SEMA5B: variants seen among roughly 807,000 people sequenced by gnomAD.
SEMA5B encodes semaphorin-5B.
A neutral mutation model predicts 135.0 loss-of-function variants in SEMA5B; 66 were observed. The observed-to-expected ratio is 0.49, with a 90% confidence interval of 0.40 to 0.60. The LOEUF (loss-of-function observed/expected upper bound fraction) is 0.60, where lower values mean the gene tolerates loss of function less well. Ranked by LOEUF, SEMA5B falls within the 20% of genes least tolerant of loss-of-function variation. SEMA5B has a pLI of 0.00. For missense variants in SEMA5B, 1,501 were observed against 1,566.3 expected (o/e 0.96, Z 0.70); for synonymous variants, 690 against 639.5 (o/e 1.08, Z -1.19).
chr3:122,939,871 A>G (rs1939476040), intron 4 of SEMA5B, among the ~76,000 whole-genome samples: 1 of 152,186 alleles, frequency 6.6e-6, no homozygotes, highest in African/African-American at 2.4e-5. Flanking sequence ...GCACTCTTAC[A>G]GAGATGCAGA....
chr3:122,918,908 A>AAGT (rs2107628264), intron 12 of SEMA5B, among the ~76,000 whole-genome samples: 1 of 152,248 alleles, frequency 6.6e-6, no homozygotes, highest in African/African-American at 2.4e-5. Context: ...AAGAGACTTA[A>AAGT]AGTGTGTCTC....
intron 1 of SEMA5B, among the ~76,000 whole-genome samples, chr3:123,017,764 C>T (rs924997091): frequency 6.6e-6 from 1 of 152,020 alleles, no homozygotes; most frequent in Non-Finnish European, 1.5e-5. Context: ...AAAAATTAGC[C>T]AGATGCAGTG....
chr3:122,953,636 A>G (rs1940155061), intron 2 of SEMA5B, among the ~76,000 whole-genome samples: 1 of 152,230 alleles, frequency 6.6e-6, no homozygotes, highest in African/African-American at 2.4e-5. Flanking sequence ...CCTTCGCTCC[A>G]GGTGAGGCAA....
At chr3:122,988,621 C>T (rs1941771584) in intron 1 of SEMA5B, among the ~76,000 whole-genome samples, 1 of 152,232 alleles carries the variant, frequency 6.6e-6, no homozygotes, top group African/African-American at 2.4e-5. Flanking sequence ...GATTAACAAG[C>T]CTCTCTAGGA....
At chr3:122,964,585 G>C (rs1435507443) in intron 1 of SEMA5B, among the ~76,000 whole-genome samples, 1 of 152,152 alleles carries the variant, frequency 6.6e-6, no homozygotes, top group African/African-American at 2.4e-5. Flanking sequence ...TCTGGGCTTT[G>C]GTCTCTCTCT....
At chr3:122,953,920 G>A (rs1940167568) in intron 2 of SEMA5B, among the ~76,000 whole-genome samples, 1 of 152,208 alleles carries the variant, frequency 6.6e-6, no homozygotes, top group Non-Finnish European at 1.5e-5. Context: ...CTTATACCAG[G>A]ATGGTCATGT....
At chr3:122,997,518 T>TCGCCCCC (rs764169923) in intron 1 of SEMA5B, among the ~76,000 whole-genome samples, 1 of 142,782 alleles carries the variant, frequency 7.0e-6, no homozygotes, top group Non-Finnish European at 1.5e-5. Context: ...CCCAGGCCTC[T>TCGCCCCC]CCCCCCCCCG....
At chr3:122,941,942 G>A (rs1391902520) in intron 4 of SEMA5B, among the ~76,000 whole-genome samples, 1 of 152,112 alleles carries the variant, frequency 6.6e-6, no homozygotes, top group Admixed American at 6.6e-5. Context: ...TCTCTTTGCT[G>A]GGAAAATAAA....
intron 1 of SEMA5B, among the ~76,000 whole-genome samples, chr3:122,981,224 A>G (rs774729284): frequency 9.2e-5 from 14 of 152,244 alleles, no homozygotes; most frequent in Non-Finnish European, 1.6e-4. Context: ...CATTCTGTGC[A>G]TAACATAAGA....
chr3:122,948,062 T>C (rs935710537), intron 3 of SEMA5B, among the ~76,000 whole-genome samples: 3 of 152,178 alleles, frequency 2.0e-5, no homozygotes, highest in Admixed American at 6.5e-5. Flanking sequence ...GAAGGAGTTA[T>C]GAGTCACCAG....
rs750232395 is a variant in SEMA5B, at chr3:122,961,238, G to C, written c.26C>G (p.Pro9Arg). The change falls in exon 2 of 23, where the codon CCT (proline) becomes CGT (arginine). Residue 9 changes from proline (P) to arginine (R), a missense_variant. Pro to Arg is a moderately radical substitution (Grantham distance 103). Coordinates refer to ENST00000357599, the MANE Select transcript of SEMA5B (RefSeq NM_001031702.4). Reference sequence around the variant, plus strand: ...CCCAGGGACGAGGTGGTGGGCAACAGGAGACGGACTGAAGCCACAGGGCAT... The same window carrying C: ...CCCAGGGACGAGGTGGTGGGCAACACGAGACGGACTGAAGCCACAGGGCAT... Reference protein sequence around the residue: MPCGFSPSPVAHHLVPGPP... With the variant: MPCGFSPSRVAHHLVPGPP... The C allele has an allele frequency of 1.2e-6, 2 of 1,614,120 alleles. No individual in the cohort carries two copies. Among genetic ancestry groups the C allele is most frequent in the East Asian group, 4.5e-5 (2 of 44,880 alleles).
intron 1 of SEMA5B, among the ~76,000 whole-genome samples, chr3:122,981,872 G>A (rs537427736): frequency 8.5e-5 from 13 of 152,194 alleles, no homozygotes; most frequent in African/African-American, 3.1e-4. Context: ...GGTGTGACAC[G>A]GATGGATGGA....
At chr3:122,972,729 G>T (rs1045265171) in intron 1 of SEMA5B, among the ~76,000 whole-genome samples, 6 of 152,174 alleles carry the variant, frequency 3.9e-5, no homozygotes, top group African/African-American at 1.4e-4. Context: ...TCCCCTTCAT[G>T]TGGATGGGTC....
At chr3:123,009,368 C>G (rs1942385489) in intron 1 of SEMA5B, among the ~76,000 whole-genome samples, 1 of 152,102 alleles carries the variant, frequency 6.6e-6, no homozygotes, top group Non-Finnish European at 1.5e-5. Flanking sequence ...TTTTAATTAT[C>G]TAAGCTTCTT....
chr3:122,936,879 A>C (rs547142876), intron 5 of SEMA5B, among the ~76,000 whole-genome samples: 2 of 152,118 alleles, frequency 1.3e-5, no homozygotes, highest in Non-Finnish European at 2.9e-5. Flanking sequence ...TGGGCATTCG[A>C]TTTTCTTTAA....
chr3:122,935,653 G>A (rs1939227897), intron 5 of SEMA5B, among the ~76,000 whole-genome samples: 1 of 132,596 alleles, frequency 7.5e-6, no homozygotes, highest in Admixed American at 7.5e-5. Flanking sequence ...AAGCCGACCT[G>A]CTCTATCCAC....
At position 122,915,804 on chromosome 3, in the gene SEMA5B, C is replaced by T; in HGVS notation, c.1775G>A (p.Ser592Asn). ...CSTLEDSSNMSLWTQNITACP... is the reference protein window; with the variant it reads ...CSTLEDSSNMNLWTQNITACP... The stretch of plus-strand genomic sequence containing the variant: ...GGCGGTGATGTTCTGGGTCCAGAGG[C>T]TCATGTTGGAGCTGTCCTCGAGTGT... Residue 592 changes from serine to asparagine, a missense_variant, in exon 13 of 23, where the codon AGC (serine) becomes AAC (asparagine). Coordinates refer to ENST00000357599, the MANE Select transcript of SEMA5B (RefSeq NM_001031702.4). 1 of 1,614,116 alleles carries T rather than the reference C, an allele frequency of 6.2e-7. No homozygotes were observed. The highest frequency in any genetic ancestry group is 1.6e-4 in the Middle Eastern group (1 of 6,062).
At chr3:122,926,794 C>G in intron 8 of SEMA5B, 117 bp from the exon 9 acceptor site, 1 of 1,198,630 alleles carries the variant, frequency 8.3e-7, no homozygotes, top group Non-Finnish European at 1.2e-6. Flanking sequence ...ATCCTTCTCT[C>G]TGCAATCTTG....
intron 2 of SEMA5B, among the ~76,000 whole-genome samples, chr3:122,955,468 T>A (rs764062216): frequency 6.6e-6 from 1 of 152,252 alleles, no homozygotes. Flanking sequence ...TAACTAAATA[T>A]AATTCCTATC....
Sources: allele counts gnomAD v4.1 joint callset (sites outside exome capture counted in the v4.1 genomes callset), GRCh38; gene constraint gnomAD v4.1.1; transcripts MANE v1.5; gene names NCBI Gene and HGNC (gene_info 2026-07-23, HGNC 2026-07-21).